The following FLRT2 variants were observed in gnomAD, a reference collection of about 807,000 sequenced individuals.
FLRT2 encodes leucine-rich repeat transmembrane protein FLRT2.
A neutral mutation model predicts 40.0 loss-of-function variants in FLRT2; 15 were observed. The observed-to-expected ratio is 0.38, with a 90% CI of 0.25 to 0.58. The LOEUF is 0.58. FLRT2 is among the 20% of genes least tolerant of loss of function. The pLI is 0.71. For synonymous variants in FLRT2, 380 were observed against 336.8 expected (o/e 1.13, Z -1.41); for missense variants, 726 against 840.0 (o/e 0.86, Z 1.68).
At chr14:85,566,726 G>A (rs181878496) in intron 1 of FLRT2, among the ~76,000 whole-genome samples, 9 of 150,052 alleles carry the variant, frequency 6.0e-5, no homozygotes, top group African/African-American at 2.0e-4. Context: ...GTGTCATCTC[G>A]TGGCTGAAAA....
intron 1 of FLRT2, among the ~76,000 whole-genome samples, chr14:85,535,910 TTTTTTTTTTTTG>T (rs1433020210): frequency 1.3e-4 from 11 of 81,616 alleles, no homozygotes; most frequent in African/African-American, 6.2e-4. Flanking sequence ...TTTTTTTTTT[TTTTTTTTTTTTG>T]TTGTTGTTGT....
intron 1 of FLRT2, among the ~76,000 whole-genome samples, chr14:85,534,221 G>T (rs1255977046): frequency 5.3e-5 from 8 of 152,178 alleles, no homozygotes; most frequent in Admixed American, 5.2e-4. Context: ...AGCCCCAGCT[G>T]GTGCCTCATC....
chr14:85,533,840 C>A (rs1888462438), intron 1 of FLRT2, among the ~76,000 whole-genome samples: 1 of 151,848 alleles, frequency 6.6e-6, no homozygotes, highest in Admixed American at 6.6e-5. Context: ...CCCCGCGCCC[C>A]GACGCTGCGG....
Position 85,621,711 on chromosome 14 carries a change from C to T in FLRT2, c.197C>T (p.Thr66Ile), listed in dbSNP as rs1893391921. ...SVPLGIPEGVTVLYLHNNQIN... is the reference protein window; with the variant it reads ...SVPLGIPEGVIVLYLHNNQIN... ...CCTCTTGGGATCCCGGAGGGCGTAA[C>T]TGTACTCTACCTCCACAACAACCAA... Residue 66 changes from threonine to isoleucine, a missense_variant, in exon 2 of 2, where the codon ACT becomes ATT. Around this residue, in one of 3 missense-constraint regions of FLRT2, gnomAD observed 106 missense variants for 121.2 expected, o/e 0.87. Transcript: ENST00000330753. The T allele has an allele frequency of 6.2e-7, 1 of 1,614,124 alleles. No homozygotes were observed.
chr14:85,579,691 A>C (rs1891300421), intron 1 of FLRT2, among the ~76,000 whole-genome samples: 1 of 152,132 alleles, frequency 6.6e-6, no homozygotes, highest in Admixed American at 6.5e-5. Context: ...CACTTTACAT[A>C]GTTTCTGGTT....
chr14:85,591,589 T>G (rs543392101), intron 1 of FLRT2, among the ~76,000 whole-genome samples: 15 of 152,356 alleles, frequency 9.8e-5, no homozygotes, highest in Non-Finnish European at 1.9e-4. Context: ...ACCACAGCCC[T>G]GCCTCTTGCT....
intron 1 of FLRT2, among the ~76,000 whole-genome samples, chr14:85,599,778 G>A (rs1892304586): frequency 6.6e-6 from 1 of 150,828 alleles, no homozygotes; most frequent in Non-Finnish European, 1.5e-5. Flanking sequence ...AATTATACGT[G>A]TATTTTACAG....
intron 1 of FLRT2, among the ~76,000 whole-genome samples, chr14:85,558,968 G>C (rs1386050680): frequency 6.6e-6 from 1 of 152,168 alleles, no homozygotes; most frequent in Admixed American, 6.5e-5. Flanking sequence ...CTTCCTAAAC[G>C]TTTAGTGTTC....
intron 1 of FLRT2, among the ~76,000 whole-genome samples, chr14:85,569,626 G>A (rs948063007): frequency 2.6e-5 from 4 of 152,206 alleles, no homozygotes; most frequent in South Asian, 4.1e-4. Flanking sequence ...TGAGGAATGC[G>A]CTGTAAGAAT....
At position 85,622,615 on chromosome 14, in the gene FLRT2, G is replaced by C; in HGVS notation, c.1101G>C (p.Leu367=). ...LLSCPTTTPG[L]PLFTPAPSTA... Reference sequence around the variant, plus strand: ...CCTGTCCCACCACGACCCCCGGCCTGCCTCTCTTCACCCCAGCCCCAAGTA... The same window carrying C: ...CCTGTCCCACCACGACCCCCGGCCTCCCTCTCTTCACCCCAGCCCCAAGTA... Residue 367 remains leucine (L), a synonymous_variant, in exon 2 of 2, where the codon CTG becomes CTC. Coordinates refer to ENST00000330753, the MANE Select transcript of FLRT2 (RefSeq NM_013231.6). 1 of 1,613,566 alleles carries C rather than the reference G, an allele frequency of 6.2e-7. No homozygotes were observed. Among genetic ancestry groups the C allele is most frequent in the Non-Finnish European group, 8.5e-7 (1 of 1,179,948 alleles).
intron 1 of FLRT2, among the ~76,000 whole-genome samples, chr14:85,612,061 CAAAAAAAAAA>C (rs11298272): frequency 1.9e-4 from 12 of 62,262 alleles, no homozygotes; most frequent in African/African-American, 4.0e-4. Flanking sequence ...ACTTACTTTT[CAAAAAAAAAA>C]AAAAAAAAAA....
rs1566773859 is a variant in FLRT2 at position 85,641,485 on chromosome 14, T to C, written c.*17988T>C. Reference sequence around the variant, plus strand: ...GTGTTTTAGTGTCTGGTCACTATCTTCAGTGGAGTCAGGTGATGTGAATAG... The same window carrying C: ...GTGTTTTAGTGTCTGGTCACTATCTCCAGTGGAGTCAGGTGATGTGAATAG... On this transcript the variant is annotated 3_prime_UTR_variant, in exon 2 of 2. Coordinates refer to ENST00000330753, the MANE Select transcript of FLRT2 (RefSeq NM_013231.6). The C allele has an allele frequency of 6.6e-6, 1 of 152,232 alleles. No individual in the cohort carries two copies. Among genetic ancestry groups the C allele is most frequent in the Non-Finnish European group, 1.5e-5 (1 of 68,060 alleles). 9.4% of individuals were successfully genotyped at this position (152,232 alleles called of 1,614,324 possible).
intron 1 of FLRT2, among the ~76,000 whole-genome samples, chr14:85,603,959 G>C (rs1892498756): frequency 6.6e-6 from 1 of 152,192 alleles, no homozygotes; most frequent in African/African-American, 2.4e-5. Flanking sequence ...TGTGTCTTGA[G>C]AGTGCCATTT....
intron 1 of FLRT2, among the ~76,000 whole-genome samples, chr14:85,550,046 A>G (rs1466175634): frequency 1.3e-5 from 2 of 152,178 alleles, no homozygotes; most frequent in Non-Finnish European, 2.9e-5. Flanking sequence ...GGGAAAAAAA[A>G]AAAAGAAATA....
At chr14:85,531,221 G>A (rs562639400) in intron 1 of FLRT2, 1 of 152,292 alleles carries the variant, frequency 6.6e-6, no homozygotes, top group Non-Finnish European at 1.5e-5. Flanking sequence ...AATCCGGATC[G>A]AGTGAGTTCC....
At chr14:85,549,256 G>GTCTAACACTTAA (rs1419922282) in intron 1 of FLRT2, among the ~76,000 whole-genome samples, 204 of 152,286 alleles carry the variant, frequency 1.3e-3, no homozygotes, top group African/African-American at 4.7e-3. Context: ...ATCCATGGAT[G>GTCTAACACTTAA]GCAAAACTAA....
At chr14:85,579,349 CT>C (rs1460290657) in intron 1 of FLRT2, among the ~76,000 whole-genome samples, 4 of 152,240 alleles carry the variant, frequency 2.6e-5, no homozygotes, top group Non-Finnish European at 4.4e-5. Context: ...ATTGGTCTGG[CT>C]TTAAAGAACC....
In FLRT2 at chr14:85,563,766, C is replaced by T. The variant is rs868454778; in HGVS notation, c.-377+33232C>T. Among the ~76,000 whole-genome samples the T allele has an allele frequency of 4.6e-5, 7 of 152,122 alleles. No individual in the cohort carries two copies. In the Middle Eastern group the frequency reaches 0.017, roughly 370 times the overall value. On this transcript the variant is annotated intron_variant, in intron 1 of 1. Transcript: ENST00000330753. ...TGGCTCAGATCTCTTACCTCCAAAC[C>T]CTAGTACTTTATGTAATCTTAAAAT...
chr14:85,559,640 C>A (rs1047942860), intron 1 of FLRT2, among the ~76,000 whole-genome samples: 6 of 151,994 alleles, frequency 3.9e-5, no homozygotes, highest in Non-Finnish European at 8.8e-5. Context: ...CCCCTTCACA[C>A]TTTTTTTTAA....
Sources: gnomAD v4.1 joint callset for allele counts (sites outside exome capture counted in the v4.1 genomes callset) on GRCh38, gnomAD v4.1.1 for gene constraint, gnomAD v4.1.1 regional missense constraint, MANE v1.5 for transcripts, NCBI Gene and HGNC (gene_info 2026-07-23, HGNC 2026-07-21) for gene names.